Variants in NBR1 observed in about 807,000 individuals in gnomAD.
NBR1 encodes next to BRCA1 gene 1 protein.
In NBR1, 59 loss-of-function variants were observed where a neutral mutation model predicts 115.5. The ratio of observed to expected loss-of-function variants is 0.51; its 90% confidence interval spans 0.41 to 0.63. The LOEUF (loss-of-function observed/expected upper bound fraction) is 0.63, where lower values mean the gene tolerates loss of function less well. Ranked by LOEUF, NBR1 falls within the 30% of genes least tolerant of loss-of-function variation. NBR1 has a pLI of 0.00. For missense variants in NBR1, 1,043 were observed against 1,150.5 expected (o/e 0.91, Z 1.35); for synonymous variants, 373 against 414.7 (o/e 0.90, Z 1.22).
chr17:43,173,685 G>A (rs972771946), intron 1 of NBR1, among the ~76,000 whole-genome samples: 7 of 152,148 alleles, frequency 4.6e-5, no homozygotes, highest in African/African-American at 1.7e-4. Flanking sequence ...AGTCAAAGCA[G>A]ACGTATTAGA....
intron 20 of NBR1, among the ~76,000 whole-genome samples, chr17:43,206,108 G>A (rs571957604): frequency 2.7e-5 from 4 of 150,436 alleles, no homozygotes; most frequent in Non-Finnish European, 4.4e-5. Flanking sequence ...CCTGGGAGGC[G>A]GATGTTGCAG....
At chr17:43,202,896 T>TAA (rs1266446528) in intron 19 of NBR1, among the ~76,000 whole-genome samples, 184 bp downstream of exon 19, 1 of 152,182 alleles carries the variant, frequency 6.6e-6, no homozygotes, top group Non-Finnish European at 1.5e-5. Flanking sequence ...CTAAAGCTGA[T>TAA]GTTTAAGAGT....
chr17:43,173,864 T>A (rs1006088233), intron 1 of NBR1, among the ~76,000 whole-genome samples: 4 of 106,626 alleles, frequency 3.8e-5, no homozygotes, highest in African/African-American at 1.5e-4. Flanking sequence ...ACGCTGTAAA[T>A]CCCTGGGACT....
At position 43,178,016 on chromosome 17, in the gene NBR1, A is replaced by T; in HGVS notation, c.165+18A>T. On this transcript the variant is annotated intron_variant, in intron 3 of 20. Transcript: ENST00000590996. Reference sequence around the variant, plus strand: ...ATGAAGAGGTAAAATATATTATGGCACTTATTGCTAGGTGTTCAGAATAGG... The same window carrying T: ...ATGAAGAGGTAAAATATATTATGGCTCTTATTGCTAGGTGTTCAGAATAGG... The T allele has an allele frequency of 6.4e-7, 1 of 1,568,342 alleles. No homozygotes were observed. The highest frequency in any genetic ancestry group is 8.7e-7 in the Non-Finnish European group (1 of 1,147,072).
At position 43,193,398 on chromosome 17, in the gene NBR1, T is replaced by C. The variant is rs1269130551; in HGVS notation, c.1284T>C (p.Asp428=). 1.9e-6 allele frequency: 3 copies of C among 1,613,956 alleles called. No individual in the cohort carries two copies. In the South Asian group the frequency reaches 3.3e-5, roughly 18 times the overall value. The stretch of plus-strand genomic sequence containing the variant: ...CTTTGGCTTCCACAGAAAAGAAGGA[T>C]GTTTTGGTTCCCTGCCTCAAGGCCG... The part of the protein sequence containing the change: ...NLTLASTEKK[D]VLVPCLKAGH... The change falls in exon 12 of 21, where the codon GAT becomes GAC. Residue 428 remains aspartate (D), a synonymous_variant. Coordinates refer to ENST00000590996, the MANE Select transcript of NBR1 (RefSeq NM_005899.5).
intron 2 of NBR1, among the ~76,000 whole-genome samples, chr17:43,176,973 A>G (rs1166980336): frequency 1.3e-5 from 2 of 152,110 alleles, no homozygotes; most frequent in East Asian, 1.9e-4. Flanking sequence ...CTAGGATCAT[A>G]CTATAAACAT....
intron 8 of NBR1, chr17:43,190,297 C>A: frequency 2.6e-6 from 1 of 380,144 alleles, no homozygotes; most frequent in Non-Finnish European, 5.0e-6. Context: ...TCTCAAACTA[C>A]TGGACTCAAA....
chr17:43,183,065 CT>C (rs879382652), intron 5 of NBR1, among the ~76,000 whole-genome samples: 110 of 144,614 alleles, frequency 7.6e-4, no homozygotes, highest in Non-Finnish European at 7.6e-4. Context: ...CGCCTGGCGT[CT>C]TTTTTTTTTT....
In NBR1 at chr17:43,175,886, T is replaced by G; in HGVS notation, c.87T>G (p.Ala29=). The G allele has an allele frequency of 6.3e-7, 1 of 1,592,854 alleles. No homozygotes were observed. Among genetic ancestry groups the G allele is most frequent in the Non-Finnish European group, 8.6e-7 (1 of 1,162,378 alleles). ...LVSDPENTTW[A]DIEAMVKVSF... is the part of the protein sequence containing the mutation. ...CTGATCCAGAAAATACAACTTGGGC[T>G]GATATCGAAGCTATGGTGAGTGTTA... Residue 29 remains alanine, a synonymous_variant, in exon 2 of 21, where the codon GCT becomes GCG. Coordinates refer to ENST00000590996, the MANE Select transcript of NBR1 (RefSeq NM_005899.5).
In NBR1 at chr17:43,186,234, TA is replaced by T; in HGVS notation, c.208-14del. On this transcript the variant is annotated splice_polypyrimidine_tract_variant and intron_variant, in intron 5 of 20. Coordinates refer to ENST00000590996, the MANE Select transcript of NBR1 (RefSeq NM_005899.5). ...AATCACGTCGCATGTTTTTGTTTCATAATGTATGCTCTTAGATGGCAGTTAA... is the reference window on the plus strand; with the variant it reads ...AATCACGTCGCATGTTTTTGTTTCATATGTATGCTCTTAGATGGCAGTTAA... 1 of 1,549,360 alleles carries T rather than the reference TA, an allele frequency of 6.5e-7. No homozygotes were observed. The highest frequency in any genetic ancestry group is 1.2e-5 in the South Asian group (1 of 82,252).
chr17:43,198,915 A>G lies in NBR1; in HGVS notation c.2027-1252A>G, dbSNP rs556260180. ...GAGGTGCAGCTTGCAGTGAGCTGAG[A>G]TCATGCTACTGCACTTCAGCCTGGG... On this transcript the variant is annotated intron_variant, in intron 16 of 20. Coordinates refer to ENST00000590996, the MANE Select transcript of NBR1 (RefSeq NM_005899.5). Among the ~76,000 whole-genome samples, 54 of 152,240 alleles carry G rather than the reference A, an allele frequency of 3.5e-4. 1 individual carries two copies. In the Middle Eastern group the frequency reaches 0.027, roughly 77 times the overall value.
chr17:43,180,573 A>G (rs2056638153), intron 4 of NBR1, among the ~76,000 whole-genome samples: 1 of 152,140 alleles, frequency 6.6e-6, no homozygotes, highest in Non-Finnish European at 1.5e-5. Context: ...GCCATAATCT[A>G]CTCATTTAGC....
chr17:43,208,752 G>A (rs934849843), intron 20 of NBR1, among the ~76,000 whole-genome samples: 2 of 152,142 alleles, frequency 1.3e-5, no homozygotes, highest in Non-Finnish European at 2.9e-5. Flanking sequence ...GATCACTTGG[G>A]CCCAGAAGTT....
At chr17:43,197,510 C>A (rs533525785) in intron 16 of NBR1, among the ~76,000 whole-genome samples, 73 of 144,918 alleles carry the variant, frequency 5.0e-4, no homozygotes, top group African/African-American at 1.7e-3. Context: ...CAAAGCGAGA[C>A]TCCATCTCAA....
intron 1 of NBR1, 132 bp downstream of exon 1, chr17:43,171,434 G>C (rs2154581861): frequency 6.6e-6 from 1 of 152,508 alleles, no homozygotes; most frequent in Admixed American, 6.5e-5. Flanking sequence ...AATCTTTTTA[G>C]TGACAGGATG....
chr17:43,200,928 G>T (rs2057184777), intron 17 of NBR1, among the ~76,000 whole-genome samples: 1 of 150,512 alleles, frequency 6.6e-6, no homozygotes, highest in Non-Finnish European at 1.5e-5. Context: ...GAGTGCAGTG[G>T]CACAATCTTG....
chr17:43,173,739 C>T (rs745782475), intron 1 of NBR1, among the ~76,000 whole-genome samples: 2 of 152,136 alleles, frequency 1.3e-5, no homozygotes, highest in African/African-American at 4.8e-5. Flanking sequence ...AGCGAACTGA[C>T]CTGCTCACAG....
chr17:43,175,630 T>TCCA (rs1487335055), intron 1 of NBR1, among the ~76,000 whole-genome samples, 161 bp from the exon 2 acceptor site: 1 of 111,862 alleles, frequency 8.9e-6, no homozygotes. Flanking sequence ...GATGGTAAGT[T>TCCA]TCGTAAGAAC....
Position 43,196,537 on chromosome 17 carries a change from G to C in NBR1, c.1807G>C (p.Gly603Arg). Residue 603 changes from glycine to arginine, a missense_variant, in exon 15 of 21, where the codon GGC (glycine) becomes CGC (arginine). Transcript: ENST00000590996. ...PHDSPLIEKP[G>R]LGQIEEENEG... ...TGACAGTCCTTTAATAGAGAAGCCA[G>C]GCTTGGGGCAGATAGAGGAAGAGAA... 1 of 1,606,962 alleles carries C rather than the reference G, an allele frequency of 6.2e-7. No individual in the cohort carries two copies. Among genetic ancestry groups the C allele is most frequent in the Non-Finnish European group, 8.5e-7 (1 of 1,177,654 alleles).
Sources: gnomAD v4.1 joint callset for allele counts (sites outside exome capture counted in the v4.1 genomes callset) on GRCh38, gnomAD v4.1.1 for gene constraint, MANE v1.5 for transcripts, NCBI Gene and HGNC (gene_info 2026-07-23, HGNC 2026-07-21) for gene names.